The following FOXK2 variants were observed in gnomAD, a reference collection of about 807,000 sequenced individuals.
FOXK2 encodes forkhead box K2.
Under a neutral mutation model 53.3 loss-of-function variants are expected in FOXK2, and 24 were observed. The observed-to-expected ratio is 0.45, with a 90% CI of 0.33 to 0.63. The LOEUF is 0.63. Ranked by LOEUF, FOXK2 falls within the 30% of genes least tolerant of loss-of-function variation. The probability of loss-of-function intolerance (pLI) is 0.03; values close to 1 mark genes in which losing one functional copy is unlikely to be tolerated. For missense variants in FOXK2, 952 were observed against 910.5 expected, an observed-to-expected ratio of 1.05 and a Z score of -0.59; for synonymous variants, 505 against 407.1, an observed-to-expected ratio of 1.24 and a Z score of -2.89.
Position 82,520,158 on chromosome 17 carries a change from C to T in FOXK2, c.270C>T (p.Gly90=), listed in dbSNP as rs777017696. The T allele has an allele frequency of 1.3e-6, 2 of 1,515,324 alleles. No homozygotes were observed. Among genetic ancestry groups the T allele is most frequent in the East Asian group, 5.5e-5 (2 of 36,244 alleles). The allele number at this position is 1,515,324 out of a possible 1,614,324, so 93.9% of individuals were successfully genotyped here. Residue 90 remains glycine, a synonymous_variant, in exon 1 of 9, where the codon GGC becomes GGT. Coordinates refer to ENST00000335255, the MANE Select transcript of FOXK2 (RefSeq NM_004514.4). ...LEIFTPPGGG[G]HGGAAPELPP... ...TCTTCACGCCCCCGGGCGGCGGCGG[C>T]CATGGCGGGGCCGCTCCGGAGCTGC...
intron 1 of FOXK2, among the ~76,000 whole-genome samples, chr17:82,539,976 AAAT>A (rs2144070104): frequency 1.4e-5 from 2 of 147,904 alleles, no homozygotes; most frequent in South Asian, 4.3e-4. Flanking sequence ...AAAAAAAAAA[AAAT>A]ATCGATAATT....
intron 8 of FOXK2, among the ~76,000 whole-genome samples, chr17:82,590,557 G>A (rs1387011595): frequency 6.6e-6 from 1 of 152,052 alleles, no homozygotes; most frequent in Non-Finnish European, 1.5e-5. Context: ...TTTTTGTTGT[G>A]AAATTTGTAG....
At chr17:82,537,249 T>C (rs2044529506) in intron 1 of FOXK2, among the ~76,000 whole-genome samples, 1 of 152,200 alleles carries the variant, frequency 6.6e-6, no homozygotes, top group Admixed American at 6.6e-5. Flanking sequence ...ATGATGCTTA[T>C]AGTCTTTCTT....
chr17:82,544,525 G>A (rs979155781), intron 1 of FOXK2, among the ~76,000 whole-genome samples: 3 of 152,280 alleles, frequency 2.0e-5, no homozygotes, highest in Admixed American at 6.5e-5. Context: ...TACTGGGTAT[G>A]ATTTCTTATT....
At chr17:82,573,034 T>C (rs1189240306) in intron 4 of FOXK2, among the ~76,000 whole-genome samples, 3 of 150,850 alleles carry the variant, frequency 2.0e-5, no homozygotes, top group Non-Finnish European at 4.4e-5. Flanking sequence ...CTACAAAAAA[T>C]AAAAAAAAAT....
chr17:82,570,970 C>T (rs2044910950), intron 3 of FOXK2, among the ~76,000 whole-genome samples: 1 of 152,164 alleles, frequency 6.6e-6, no homozygotes, highest in South Asian at 2.1e-4. Flanking sequence ...GGGGGCTCCT[C>T]CTCATGGGCG....
At chr17:82,538,513 T>C (rs1050231072) in intron 1 of FOXK2, among the ~76,000 whole-genome samples, 2 of 152,156 alleles carry the variant, frequency 1.3e-5, no homozygotes, top group African/African-American at 4.8e-5. Flanking sequence ...GCTCATTTTG[T>C]CAAAGGAAAA....
chr17:82,582,537 G>A (rs149902707), intron 4 of FOXK2, among the ~76,000 whole-genome samples: 39 of 152,176 alleles, frequency 2.6e-4, no homozygotes, highest in Non-Finnish European at 4.0e-4. Context: ...GGGTTTTCAC[G>A]CTTCCCCATA....
chr17:82,573,536 A>ACTCT (rs373747209), intron 4 of FOXK2, among the ~76,000 whole-genome samples: 285 of 138,906 alleles, frequency 2.1e-3, no homozygotes, highest in Middle Eastern at 4.0e-3. Flanking sequence ...ACACACACAC[A>ACTCT]CTCTCTCTCT....
chr17:82,591,620 T>C (rs976054894), intron 8 of FOXK2, among the ~76,000 whole-genome samples: 1 of 152,186 alleles, frequency 6.6e-6, no homozygotes, highest in East Asian at 1.9e-4. Context: ...AAGGAAAGCC[T>C]GGCATTTTCT....
intron 8 of FOXK2, among the ~76,000 whole-genome samples, chr17:82,598,361 T>C (rs949784149): frequency 3.9e-5 from 6 of 152,164 alleles, no homozygotes; most frequent in Non-Finnish European, 7.3e-5. Flanking sequence ...TCTCTTGGGG[T>C]TGCAGGCGTG....
chr17:82,596,353 G>T (rs1256003475), intron 8 of FOXK2, among the ~76,000 whole-genome samples: 2 of 151,932 alleles, frequency 1.3e-5, no homozygotes, highest in African/African-American at 4.8e-5. Flanking sequence ...TGTTTTCCAT[G>T]CTTGGTGTAG....
At chr17:82,582,276 CTCTG>C (rs2045072829) in intron 4 of FOXK2, among the ~76,000 whole-genome samples, 1 of 152,170 alleles carries the variant, frequency 6.6e-6, no homozygotes, top group Non-Finnish European at 1.5e-5. Context: ...CAGAAATGGC[CTCTG>C]TCTGCGCTGT....
intron 1 of FOXK2, among the ~76,000 whole-genome samples, chr17:82,522,919 T>C (rs919592079): frequency 2.0e-5 from 3 of 152,038 alleles, no homozygotes; most frequent in African/African-American, 7.2e-5. Flanking sequence ...CTCAGCCTCC[T>C]GAGTAGCTGG....
chr17:82,583,891 A>G, intron 5 of FOXK2, 122 bp from the exon 6 acceptor site: 1 of 1,016,068 alleles, frequency 9.8e-7, no homozygotes, highest in Non-Finnish European at 1.4e-6. Flanking sequence ...GAACTTACAC[A>G]ACAGTACTTG....
At chr17:82,521,739 G>T (rs1004368676) in intron 1 of FOXK2, among the ~76,000 whole-genome samples, 1 of 122,096 alleles carries the variant, frequency 8.2e-6, no homozygotes, top group Admixed American at 8.3e-5. Flanking sequence ...AGACCATTCT[G>T]GCTAACACGG....
intron 1 of FOXK2, among the ~76,000 whole-genome samples, chr17:82,531,132 C>T (rs1162493786): frequency 6.6e-6 from 1 of 152,126 alleles, no homozygotes; most frequent in African/African-American, 2.4e-5. Context: ...TGTAAGTGTT[C>T]TGTGGGCTGG....
chr17:82,526,779 C>T (rs551014436), intron 1 of FOXK2, among the ~76,000 whole-genome samples: 3 of 150,786 alleles, frequency 2.0e-5, no homozygotes, highest in African/African-American at 7.3e-5. Flanking sequence ...TGCAGTGAGC[C>T]GAGATCGCGC....
chr17:82,565,635 A>G (rs1039028636), intron 2 of FOXK2, among the ~76,000 whole-genome samples: 1 of 152,186 alleles, frequency 6.6e-6, no homozygotes, highest in Non-Finnish European at 1.5e-5. Flanking sequence ...ATTGGCTGCT[A>G]TTAAAAACAA....
Sources: gnomAD v4.1 joint callset for allele counts (sites outside exome capture counted in the v4.1 genomes callset) on GRCh38, gnomAD v4.1.1 for gene constraint, MANE v1.5 for transcripts, NCBI Gene and HGNC (gene_info 2026-07-23, HGNC 2026-07-21) for gene names.